The following CAPZB variants were observed in gnomAD, a reference collection of about 807,000 sequenced individuals.
CAPZB encodes the protein F-actin-capping protein subunit beta.
Under a neutral mutation model 38.1 loss-of-function variants are expected in CAPZB, and 2 were observed. The ratio of observed to expected loss-of-function variants is 0.05; its 90% confidence interval spans 0.02 to 0.17. The LOEUF is 0.17. CAPZB is among the 10% of genes least tolerant of loss of function. The pLI is 1.00. For missense variants in CAPZB, 161 were observed against 334.2 expected (o/e 0.48, Z 4.04); for synonymous variants, 107 against 127.4 (o/e 0.84, Z 1.08).
At chr1:19,396,771 C>G (rs1468100840) in intron 2 of CAPZB, among the ~76,000 whole-genome samples, 1 of 142,914 alleles carries the variant, frequency 7.0e-6, no homozygotes, top group Non-Finnish European at 1.5e-5. Flanking sequence ...TGAAACCCCA[C>G]CTCTAATAAA....
intron 1 of CAPZB, chr1:19,484,390 T>TC: frequency 6.5e-7 from 1 of 1,531,752 alleles, no homozygotes. Context: ...TCCTCGCCCC[T>TC]CGGCTCCCAC....
At chr1:19,458,156 T>G (rs1421394337) in intron 1 of CAPZB, among the ~76,000 whole-genome samples, 1 of 151,326 alleles carries the variant, frequency 6.6e-6, no homozygotes, top group Non-Finnish European at 1.5e-5. Context: ...TTCTGTGATC[T>G]GAGCTTTCCA....
intron 4 of CAPZB, among the ~76,000 whole-genome samples, chr1:19,366,283 A>AATAAATAAATAT (rs71008151): frequency 5.0e-5 from 3 of 60,502 alleles, no homozygotes; most frequent in Non-Finnish European, 1.0e-4. Context: ...CGTGTCTTAA[A>AATAAATAAATAT]ATATATATAT....
intron 8 of CAPZB, among the ~76,000 whole-genome samples, chr1:19,341,519 G>A (rs1305003742): frequency 6.6e-6 from 1 of 152,168 alleles, no homozygotes; most frequent in Non-Finnish European, 1.5e-5. Context: ...GGAGCAGGGG[G>A]CTTATTTAAG....
intron 1 of CAPZB, among the ~76,000 whole-genome samples, chr1:19,471,420 T>C (rs2094586497): frequency 1.3e-5 from 2 of 152,140 alleles, no homozygotes; most frequent in African/African-American, 4.8e-5. Context: ...TAGTCAAGCC[T>C]CTTGAAGCAC....
intron 6 of CAPZB, among the ~76,000 whole-genome samples, chr1:19,346,639 A>C (rs550845324): frequency 2.1e-4 from 32 of 151,816 alleles, no homozygotes; most frequent in African/African-American, 7.7e-4. Context: ...ACATCTCCTC[A>C]TCAGGGAGAC....
intron 2 of CAPZB, among the ~76,000 whole-genome samples, chr1:19,416,911 A>G (rs1228860575): frequency 6.7e-6 from 1 of 150,238 alleles, no homozygotes; most frequent in Non-Finnish European, 1.5e-5. Context: ...AGTAATCTAT[A>G]GAATGTCACA....
chr1:19,428,542 AT>A (rs2094431622), intron 1 of CAPZB, among the ~76,000 whole-genome samples: 1 of 152,022 alleles, frequency 6.6e-6, no homozygotes, highest in East Asian at 1.9e-4. Context: ...TTTTTCTTTT[AT>A]AAACAAGTCT....
intron 1 of CAPZB, among the ~76,000 whole-genome samples, chr1:19,432,061 A>G (rs975298446): frequency 8.0e-5 from 12 of 149,244 alleles, no homozygotes; most frequent in Admixed American, 2.7e-4. Context: ...AAAAAAAAAA[A>G]AAAAGAAAAA....
chr1:19,373,537 G>A (rs149786187), intron 4 of CAPZB, among the ~76,000 whole-genome samples: 56 of 152,276 alleles, frequency 3.7e-4, no homozygotes, highest in African/African-American at 1.3e-3. Context: ...TTTTCTCTCC[G>A]GTGGCAGAGG....
At chr1:19,437,026 C>T (rs1249882562) in intron 1 of CAPZB, among the ~76,000 whole-genome samples, 1 of 152,182 alleles carries the variant, frequency 6.6e-6, no homozygotes, top group Middle Eastern at 3.2e-3. Context: ...CGAAGCTGAG[C>T]AAGTTTCAGC....
chr1:19,482,657 C>T (rs1037065761), intron 1 of CAPZB, among the ~76,000 whole-genome samples: 25 of 152,156 alleles, frequency 1.6e-4, no homozygotes, highest in African/African-American at 6.0e-4. Flanking sequence ...GAAACTCATG[C>T]CAACAAAAAT....
At chr1:19,456,308 A>C (rs1296111512) in intron 1 of CAPZB, among the ~76,000 whole-genome samples, 1 of 152,252 alleles carries the variant, frequency 6.6e-6, no homozygotes, top group African/African-American at 2.4e-5. Flanking sequence ...AGTAAACAAA[A>C]GAAATTTTAA....
At chr1:19,464,744 A>AT (rs1293797440) in intron 1 of CAPZB, among the ~76,000 whole-genome samples, 5 of 152,218 alleles carry the variant, frequency 3.3e-5, no homozygotes, top group Non-Finnish European at 5.9e-5. Context: ...ATGCAACATG[A>AT]ATGAATCAAA....
rs986305367 is a variant in CAPZB at position 19,338,917 on chromosome 1, A to G, written c.*613T>C. ...AAAACCTCCTTTTGCATTCCATAGA[A>G]ATTGACAGAAAAGCACCTGGCCGGA... On this transcript the variant is annotated 3_prime_UTR_variant, in exon 9 of 9. Transcript: ENST00000264202. 1 of 152,568 alleles carries G rather than the reference A, an allele frequency of 6.6e-6. No individual in the cohort carries two copies. Among genetic ancestry groups the G allele is most frequent in the African/African-American group, 2.4e-5 (1 of 41,456 alleles). 9.5% of individuals were successfully genotyped at this position (152,568 alleles called of 1,614,324 possible).
rs2093917428 is a variant in CAPZB at position 19,339,684 on chromosome 1, G to T, written c.732-67C>A. 4.1e-6 allele frequency: 5 copies of T among 1,205,066 alleles called. No individual in the cohort carries two copies. In the Admixed American group the frequency reaches 6.7e-5, roughly 16 times the overall value. The allele number at this position is 1,205,066 out of a possible 1,614,324, so 74.6% of individuals were successfully genotyped here. On this transcript the variant is annotated intron_variant, in intron 8 of 8. Coordinates refer to ENST00000264202, the MANE Select transcript of CAPZB (RefSeq NM_004930.5). ...CTGGTGAGGCGGTGGAGGCCTGGGG[G>T]CCACCATGCCAGTGCCTGGCTGATT...
intron 1 of CAPZB, among the ~76,000 whole-genome samples, chr1:19,461,591 C>G (rs1227178509): frequency 6.6e-6 from 1 of 152,268 alleles, no homozygotes; most frequent in Non-Finnish European, 1.5e-5. Context: ...CCATTGCCCC[C>G]TTGACTTGAG....
chr1:19,410,507 C>A (rs2094352820), intron 2 of CAPZB, among the ~76,000 whole-genome samples: 1 of 152,152 alleles, frequency 6.6e-6, no homozygotes, highest in African/African-American at 2.4e-5. Flanking sequence ...TGGGGGGCTG[C>A]AATAGGAAGC....
chr1:19,349,635 T>C (rs185298747), intron 6 of CAPZB, among the ~76,000 whole-genome samples: 3 of 151,958 alleles, frequency 2.0e-5, no homozygotes, highest in Admixed American at 6.5e-5. Context: ...CCAACAAAGG[T>C]AGGAGAGGTC....
Sources: allele counts gnomAD v4.1 joint callset (sites outside exome capture counted in the v4.1 genomes callset), GRCh38; gene constraint gnomAD v4.1.1; transcripts MANE v1.5; gene names NCBI Gene and HGNC (gene_info 2026-07-23, HGNC 2026-07-21).